CPQ: variants seen among roughly 807,000 people sequenced by gnomAD.
CPQ encodes Ser-Met dipeptidase.
In CPQ, 37 loss-of-function variants were observed where a neutral mutation model predicts 45.7. The observed-to-expected ratio is 0.81, with a 90% CI of 0.62 to 1.07. The LOEUF (loss-of-function observed/expected upper bound fraction) is 1.07. Ranked by LOEUF, CPQ falls within the 50% of genes least tolerant of loss-of-function variation. The pLI, the probability that CPQ is intolerant of heterozygous loss-of-function variation, is 0.00. For synonymous variants in CPQ, 186 were observed against 205.8 expected, an observed-to-expected ratio of 0.90 and a Z score of 0.82; for missense variants, 537 against 572.9, an observed-to-expected ratio of 0.94 and a Z score of 0.64.
At chr8:97,123,028 TAAAATAAAATAAAA>T (rs1811759932) in intron 7 of CPQ, among the ~76,000 whole-genome samples, 1 of 27,260 alleles carries the variant, frequency 3.7e-5, no homozygotes, top group Admixed American at 4.5e-4. Context: ...ATAAAATAAA[TAAAATAAAATAAAA>T]TAAATAAAAT....
Position 97,029,409 on chromosome 8 carries a change from G to A in CPQ, c.968G>A (p.Arg323His), listed in dbSNP as rs148684432. 8.2e-3 allele frequency: 13,170 copies of A among 1,604,410 alleles called. 78 individuals are homozygous for A. Among genetic ancestry groups the A allele is most frequent in the Non-Finnish European group, 9.4e-3 (11,014 of 1,174,652 alleles). The change falls in exon 6 of 8, where the codon CGT becomes CAT. Residue 323 changes from arginine to histidine, a missense_variant. Arg to His is a conservative substitution (Grantham distance 29, BLOSUM62 0). Coordinates refer to ENST00000220763, the MANE Select transcript of CPQ (RefSeq NM_016134.4). ...ALSLIKDLGLRPKRTLRLVLW... is the reference protein window; with the variant it reads ...ALSLIKDLGLHPKRTLRLVLW... Reference sequence around the variant, plus strand: ...TATTTTATTATTTTCCCAGGGCTGCGTCCAAAGAGGACTCTGCGGCTGGTG... The same window carrying A: ...TATTTTATTATTTTCCCAGGGCTGCATCCAAAGAGGACTCTGCGGCTGGTG...
intron 7 of CPQ, among the ~76,000 whole-genome samples, chr8:97,134,385 G>A (rs1402835541): frequency 6.6e-6 from 1 of 152,252 alleles, no homozygotes; most frequent in African/African-American, 2.4e-5. Flanking sequence ...GATAATGAGT[G>A]ACCACATGGA....
chr8:97,134,569 G>A (rs1216899920), intron 7 of CPQ, among the ~76,000 whole-genome samples: 1 of 152,122 alleles, frequency 6.6e-6, no homozygotes, highest in Non-Finnish European at 1.5e-5. Context: ...GGATACCTCC[G>A]ACCCAAGTTT....
At chr8:97,068,055 G>A (rs1411672306) in intron 7 of CPQ, among the ~76,000 whole-genome samples, 3 of 152,158 alleles carry the variant, frequency 2.0e-5, no homozygotes, top group Admixed American at 1.3e-4. Context: ...GTGAGGTAAG[G>A]AGCTGAAACC....
At chr8:96,812,712 C>T (rs1230044910) in intron 2 of CPQ, among the ~76,000 whole-genome samples, 6 of 151,988 alleles carry the variant, frequency 3.9e-5, no homozygotes, top group South Asian at 4.2e-4. Flanking sequence ...AATCCTGGAG[C>T]GGCAGGCTTC....
chr8:97,101,990 C>T (rs1335602000), intron 7 of CPQ, among the ~76,000 whole-genome samples: 1 of 147,764 alleles, frequency 6.8e-6, no homozygotes, highest in Admixed American at 6.8e-5. Context: ...TGATAGCTCA[C>T]CTTATGTTAA....
At chr8:97,128,150 G>A (rs1198918924) in intron 7 of CPQ, among the ~76,000 whole-genome samples, 1 of 152,212 alleles carries the variant, frequency 6.6e-6, no homozygotes, top group Non-Finnish European at 1.5e-5. Context: ...AGCACTTACT[G>A]TTCTCTAGCT....
intron 7 of CPQ, among the ~76,000 whole-genome samples, chr8:97,079,596 T>C (rs1271699907): frequency 6.6e-6 from 1 of 152,194 alleles, no homozygotes; most frequent in Non-Finnish European, 1.5e-5. Flanking sequence ...TTTACTCCCG[T>C]GTCACATATA....
At chr8:96,794,161 T>C (rs1159351520) in intron 2 of CPQ, among the ~76,000 whole-genome samples, 1 of 152,220 alleles carries the variant, frequency 6.6e-6, no homozygotes, top group Non-Finnish European at 1.5e-5. Flanking sequence ...TGCACTGCCC[T>C]AGGGGAGGTT....
At chr8:96,966,676 G>T (rs1289907141) in intron 5 of CPQ, among the ~76,000 whole-genome samples, 1 of 152,216 alleles carries the variant, frequency 6.6e-6, no homozygotes, top group Admixed American at 6.5e-5. Context: ...CAGGGAAGCA[G>T]TTGCCCCATT....
At chr8:97,016,756 A>G (rs928200277) in intron 5 of CPQ, among the ~76,000 whole-genome samples, 2 of 152,192 alleles carry the variant, frequency 1.3e-5, no homozygotes, top group African/African-American at 2.4e-5. Context: ...AAAGGTGAAG[A>G]GGTATTCTAG....
chr8:97,049,174 T>C (rs1810312606), intron 6 of CPQ, among the ~76,000 whole-genome samples: 1 of 152,264 alleles, frequency 6.6e-6, no homozygotes, highest in Non-Finnish European at 1.5e-5. Context: ...CTTTATAATA[T>C]TGAAATTTTC....
chr8:96,987,556 G>A (rs1809008524), intron 5 of CPQ, among the ~76,000 whole-genome samples: 1 of 152,170 alleles, frequency 6.6e-6, no homozygotes, highest in African/African-American at 2.4e-5. Context: ...CAGAAAATCA[G>A]ATGAGAAGTC....
chr8:96,841,894 A>G lies in CPQ; in HGVS notation c.641+6714A>G, dbSNP rs140986249. 8.1e-4 allele frequency among the ~76,000 whole-genome samples: 124 copies of G among 152,292 alleles called. 3 individuals are homozygous for G. The East Asian group carries it at 0.016, about 19-fold the overall frequency. On this transcript the variant is annotated intron_variant, in intron 3 of 7. Coordinates refer to ENST00000220763, the MANE Select transcript of CPQ (RefSeq NM_016134.4). The stretch of plus-strand genomic sequence containing the variant: ...TGAAAAAGTACATAAATCAATCTCT[A>G]TAATGATACTTAATTAATACAGAGT...
At chr8:96,728,609 A>G (rs1173821038) in intron 1 of CPQ, among the ~76,000 whole-genome samples, 1 of 152,186 alleles carries the variant, frequency 6.6e-6, no homozygotes, top group African/African-American at 2.4e-5. Context: ...ATTATTTGGC[A>G]CATTCTAAGG....
chr8:96,729,006 C>A (rs1809877039), intron 1 of CPQ, among the ~76,000 whole-genome samples: 1 of 152,140 alleles, frequency 6.6e-6, no homozygotes, highest in Admixed American at 6.5e-5. Context: ...TAAGTGATAT[C>A]ATCTGTGGTT....
rs1476191033 is a variant in CPQ at position 96,739,133 on chromosome 8, A to C, written c.-34-45731A>C. On this transcript the variant is annotated intron_variant, in intron 1 of 7. Transcript: ENST00000220763. Reference sequence around the variant, plus strand: ...CCTCTCCAGCACCTGTTGTTTCCTGACTTTTTAATGATTGCCATTCTAACT... The same window carrying C: ...CCTCTCCAGCACCTGTTGTTTCCTGCCTTTTTAATGATTGCCATTCTAACT... Among the ~76,000 whole-genome samples the C allele has an allele frequency of 6.5e-3, 937 of 144,846 alleles. 12 individuals are homozygous for C. Among genetic ancestry groups the C allele is most frequent in the African/African-American group, 0.022 (859 of 39,254 alleles).
At chr8:97,138,406 A>G (rs1282537426) in intron 7 of CPQ, among the ~76,000 whole-genome samples, 8 of 152,148 alleles carry the variant, frequency 5.3e-5, no homozygotes, top group Non-Finnish European at 1.2e-4. Context: ...CTTGGAGAAA[A>G]TCTAGATGGC....
intron 4 of CPQ, among the ~76,000 whole-genome samples, chr8:96,899,805 A>G (rs1187011314): frequency 6.6e-6 from 1 of 152,198 alleles, no homozygotes; most frequent in Non-Finnish European, 1.5e-5. Flanking sequence ...TATATTAGAC[A>G]TGAAGCTGCA....
Sources: allele counts gnomAD v4.1 joint callset (sites outside exome capture counted in the v4.1 genomes callset), GRCh38; gene constraint gnomAD v4.1.1; transcripts MANE v1.5; gene names NCBI Gene and HGNC (gene_info 2026-07-23, HGNC 2026-07-21).